LEF1: variants seen among roughly 807,000 people sequenced by gnomAD.
LEF1 encodes lymphoid enhancer binding factor 1.
A neutral mutation model predicts 51.2 loss-of-function variants in LEF1; 14 were observed. The observed-to-expected ratio is 0.27, with a 90% CI of 0.18 to 0.43. The LOEUF (loss-of-function observed/expected upper bound fraction) is 0.43. Ranked by LOEUF, LEF1 falls within the 20% of genes least tolerant of loss-of-function variation. LEF1 has a pLI of 1.00. For synonymous variants in LEF1, 185 were observed against 183.2 expected, an observed-to-expected ratio of 1.01 and a Z score of -0.08; for missense variants, 386 against 512.0, an observed-to-expected ratio of 0.75 and a Z score of 2.37.
chr4:108,054,818 T>G (rs1737217250), intron 11 of LEF1, among the ~76,000 whole-genome samples: 1 of 152,140 alleles, frequency 6.6e-6, no homozygotes. Flanking sequence ...TTAGAAAAAT[T>G]TAGTGTAGAG....
At chr4:108,098,642 G>A (rs1011423248) in intron 3 of LEF1, among the ~76,000 whole-genome samples, 9 of 152,202 alleles carry the variant, frequency 5.9e-5, no homozygotes, top group Non-Finnish European at 7.4e-5. Context: ...TTGTCCCACC[G>A]AGCCTTCTCT....
chr4:108,049,584 C>T (rs565352340), intron 11 of LEF1, among the ~76,000 whole-genome samples: 2 of 152,300 alleles, frequency 1.3e-5, no homozygotes, highest in East Asian at 3.9e-4. Flanking sequence ...CTGCTTTGAA[C>T]TTGGGGAGGC....
chr4:108,083,582 A>G, intron 4 of LEF1, 136 bp from the exon 5 acceptor site: 9 of 556,906 alleles, frequency 1.6e-5, no homozygotes, highest in Non-Finnish European at 3.1e-6. Flanking sequence ...AAGGAACAGG[A>G]GTCCATTTGT....
intron 2 of LEF1, among the ~76,000 whole-genome samples, chr4:108,164,421 C>A (rs911472847): frequency 6.6e-6 from 1 of 152,012 alleles, no homozygotes; most frequent in Non-Finnish European, 1.5e-5. Context: ...TTCAGTTAGG[C>A]CAATTGTTAA....
intron 3 of LEF1, among the ~76,000 whole-genome samples, chr4:108,122,577 A>C (rs1033018052): frequency 6.6e-6 from 1 of 152,206 alleles, no homozygotes; most frequent in Non-Finnish European, 1.5e-5. Flanking sequence ...TCTTGGGCTC[A>C]AGTGATCCTT....
chr4:108,154,493 CA>C (rs538645804), intron 3 of LEF1, among the ~76,000 whole-genome samples: 83 of 92,708 alleles, frequency 9.0e-4, no homozygotes, highest in Non-Finnish European at 1.5e-3. Context: ...CTTTTTCAAG[CA>C]AAAAAAAACC....
chr4:108,094,525 G>A (rs1405387926), intron 3 of LEF1, among the ~76,000 whole-genome samples: 2 of 152,230 alleles, frequency 1.3e-5, no homozygotes, highest in Admixed American at 6.5e-5. Flanking sequence ...CTCAGAGGAT[G>A]TGGTTCTGGG....
At chr4:108,091,462 A>G (rs997702065) in intron 3 of LEF1, among the ~76,000 whole-genome samples, 1 of 150,544 alleles carries the variant, frequency 6.6e-6, no homozygotes, top group African/African-American at 2.5e-5. Context: ...GGGAAAAAAA[A>G]GGAAAAAAAA....
chr4:108,149,477 T>G (rs865997907), intron 3 of LEF1, among the ~76,000 whole-genome samples: 6 of 90,450 alleles, frequency 6.6e-5, no homozygotes, highest in Middle Eastern at 7.8e-3. Flanking sequence ...AAAAAAAAAA[T>G]AGATTATAAA....
At chr4:108,089,057 C>T (rs1159172923) in intron 4 of LEF1, 68 bp downstream of exon 4, 1 of 1,592,698 alleles carries the variant, frequency 6.3e-7, no homozygotes, top group Non-Finnish European at 8.6e-7. Context: ...TGGAAGGTCA[C>T]TCAGGCTGAT....
chr4:108,049,281 C>A (rs937410174), intron 11 of LEF1, among the ~76,000 whole-genome samples: 3 of 152,166 alleles, frequency 2.0e-5, no homozygotes, highest in Non-Finnish European at 4.4e-5. Context: ...CTCCCTTTTT[C>A]CTTAAGATCT....
chr4:108,166,435 G>A, intron 1 of LEF1: 2 of 1,410,956 alleles, frequency 1.4e-6, no homozygotes. Flanking sequence ...GGAGGGAAAA[G>A]GCGTTGGTTA....
At chr4:108,077,914 G>A (rs1263775772) in intron 8 of LEF1, among the ~76,000 whole-genome samples, 1 of 152,120 alleles carries the variant, frequency 6.6e-6, no homozygotes, top group Non-Finnish European at 1.5e-5. Flanking sequence ...GTGGCACAAC[G>A]ACTACAGTCC....
chr4:108,157,215 C>CACACACACACAA (rs1407893581), intron 3 of LEF1, among the ~76,000 whole-genome samples: 1 of 147,550 alleles, frequency 6.8e-6, no homozygotes, highest in Non-Finnish European at 1.5e-5. Flanking sequence ...CACACACACA[C>CACACACACACAA]ACACAAACAC....
At chr4:108,080,397 A>G (rs79769579) in intron 6 of LEF1, among the ~76,000 whole-genome samples, 1,705 of 152,336 alleles carry the variant, frequency 0.011, 39 homozygotes, top group African/African-American at 0.039. Flanking sequence ...CAAACTTTTT[A>G]AAGTAAACAT....
intron 3 of LEF1, among the ~76,000 whole-genome samples, chr4:108,151,881 T>C (rs1349843284): frequency 6.6e-6 from 1 of 152,216 alleles, no homozygotes; most frequent in Non-Finnish European, 1.5e-5. Flanking sequence ...CCTGGTGTTG[T>C]TGCGTTACAT....
At chr4:108,106,900 A>T (rs1217244951) in intron 3 of LEF1, among the ~76,000 whole-genome samples, 5 of 152,186 alleles carry the variant, frequency 3.3e-5, no homozygotes, top group Non-Finnish European at 7.3e-5. Context: ...GAGAGAGGAA[A>T]CCCATCTGCA....
chr4:108,117,792 G>C (rs745720772), intron 3 of LEF1, among the ~76,000 whole-genome samples: 2 of 152,238 alleles, frequency 1.3e-5, no homozygotes, highest in Non-Finnish European at 2.9e-5. Context: ...AGCCTCTGCA[G>C]GGTGACTGGA....
At chr4:108,110,638 G>A (rs527295699) in intron 3 of LEF1, among the ~76,000 whole-genome samples, 1 of 152,246 alleles carries the variant, frequency 6.6e-6, no homozygotes, top group Non-Finnish European at 1.5e-5. Context: ...GGCACATCAT[G>A]CGGGTCTCCT....
Sources: allele counts gnomAD v4.1 joint callset (sites outside exome capture counted in the v4.1 genomes callset), GRCh38; gene constraint gnomAD v4.1.1; transcripts MANE v1.5; gene names NCBI Gene and HGNC (gene_info 2026-07-23, HGNC 2026-07-21).